Variants in PANK1 observed in about 807,000 individuals in gnomAD.
PANK1 encodes the protein pantothenic acid kinase 1.
A neutral mutation model predicts 40.1 loss-of-function variants in PANK1; 18 were observed. That is an observed-to-expected ratio of 0.45 (90% CI 0.31 to 0.67). The LOEUF (loss-of-function observed/expected upper bound fraction) is 0.67, where lower values mean the gene tolerates loss of function less well. PANK1 is among the 30% of genes least tolerant of loss of function. The pLI is 0.06. For synonymous variants in PANK1, 242 were observed against 237.7 expected, an observed-to-expected ratio of 1.02 and a Z score of -0.17; for missense variants, 457 against 599.6, an observed-to-expected ratio of 0.76 and a Z score of 2.48.
At chr10:89,622,811 TG>T (rs1845530711) in intron 1 of PANK1, among the ~76,000 whole-genome samples, 5 of 150,898 alleles carry the variant, frequency 3.3e-5, no homozygotes, top group Admixed American at 2.0e-4. Context: ...CAATCTAGCC[TG>T]GGTGACAGAG....
At chr10:89,589,327 T>C (rs966874410) in intron 5 of PANK1, among the ~76,000 whole-genome samples, 4 of 152,208 alleles carry the variant, frequency 2.6e-5, no homozygotes, top group South Asian at 2.1e-4. Flanking sequence ...AGTTAAAATA[T>C]GGTAACAAAA....
chr10:89,585,244 G>A (rs1291842538), intron 6 of PANK1, among the ~76,000 whole-genome samples: 1 of 152,092 alleles, frequency 6.6e-6, no homozygotes, highest in Non-Finnish European at 1.5e-5. Context: ...CTTTTTATAA[G>A]GATGCTAATC....
chr10:89,608,076 G>A (rs375826638), intron 2 of PANK1, among the ~76,000 whole-genome samples: 19 of 145,770 alleles, frequency 1.3e-4, no homozygotes, highest in African/African-American at 4.1e-4. Flanking sequence ...TCGTCGCCCC[G>A]GCTGGAGTGC....
Position 89,618,176 on chromosome 10 carries a change from G to A in PANK1, c.293-6128C>T, listed in dbSNP as rs1845378029. 2.6e-5 allele frequency among the ~76,000 whole-genome samples: 4 copies of A among 152,222 alleles called. No individual in the cohort carries two copies. The South Asian group carries it at 8.3e-4, about 32-fold the overall frequency. ...CTCCACCTACAAGGCAGGGGGCCCA[G>A]AGGGATTTCAGAATTGCTTCAGCAT... On this transcript the variant is annotated intron_variant, in intron 1 of 6. Transcript: ENST00000307534.
intron 1 of PANK1, among the ~76,000 whole-genome samples, chr10:89,625,149 C>T (rs1329072070): frequency 6.6e-6 from 1 of 152,216 alleles, no homozygotes; most frequent in Non-Finnish European, 1.5e-5. Context: ...AGATTCTCCT[C>T]CTCAGCCTCC....
chr10:89,618,288 T>G (rs1262921593), intron 1 of PANK1, among the ~76,000 whole-genome samples: 1 of 152,190 alleles, frequency 6.6e-6, no homozygotes, highest in Non-Finnish European at 1.5e-5. Flanking sequence ...TTTCCAATCT[T>G]TGTTTCACCA....
At chr10:89,588,619 A>G (rs1364911479) in intron 6 of PANK1, 33 bp downstream of exon 6, 1 of 1,546,016 alleles carries the variant, frequency 6.5e-7, no homozygotes, top group Admixed American at 2.1e-5. Context: ...TATACTCCAC[A>G]TATGACAGTA....
rs746302019 is a variant in PANK1, at chr10:89,588,741, T to C, written c.1237A>G (p.Arg413Gly). ...DRVVFVGNFL[R>G]INMVSMKLLA... The stretch of plus-strand genomic sequence containing the variant: ...AGCTTCATGGAGACCATATTGATTC[T>C]GAGAAAATTTCCAACAAACACAACT... Residue 413 changes from arginine to glycine, a missense_variant, in exon 6 of 7, where the codon AGA becomes GGA. Arg to Gly is a moderately radical substitution (Grantham distance 125, BLOSUM62 -2). Around this residue, in one of 4 missense-constraint regions of PANK1, gnomAD observed 286 missense variants for 415.8 expected, o/e 0.69. Transcript: ENST00000307534. The C allele has an allele frequency of 6.2e-7, 1 of 1,603,864 alleles. No individual in the cohort carries two copies. The highest frequency in any genetic ancestry group is 8.5e-7 in the Non-Finnish European group (1 of 1,175,132).
In PANK1 at chr10:89,588,727, G is replaced by A. The variant is rs923267382; in HGVS notation, c.1251C>T (p.Val417=). The A allele has an allele frequency of 6.2e-7, 1 of 1,603,990 alleles. No individual in the cohort carries two copies. The highest frequency in any genetic ancestry group is 8.5e-7 in the Non-Finnish European group (1 of 1,173,804). ...FVGNFLRINM[V]SMKLLAYAMD... is the part of the protein sequence containing the mutation. ...TGGCATATGCCAGCAGCTTCATGGA[G>A]ACCATATTGATTCTGAGAAAATTTC... The change falls in exon 6 of 7, where the codon GTC becomes GTT. Residue 417 remains valine (V), a synonymous_variant. Coordinates refer to ENST00000307534, the MANE Select transcript of PANK1 (RefSeq NM_148977.3).
At chr10:89,612,833 G>A (rs774441825) in intron 1 of PANK1, among the ~76,000 whole-genome samples, 1 of 152,018 alleles carries the variant, frequency 6.6e-6, no homozygotes, top group Non-Finnish European at 1.5e-5. Flanking sequence ...GCCTCCTCTC[G>A]CACATATTCT....
intron 2 of PANK1, among the ~76,000 whole-genome samples, chr10:89,605,987 A>T (rs541270481): frequency 3.9e-5 from 6 of 152,198 alleles, no homozygotes; most frequent in African/African-American, 1.4e-4. Flanking sequence ...TTGGGTGACT[A>T]GTTGTGTTGT....
rs972613998 is a variant in PANK1 at position 89,644,612 on chromosome 10, T to G, written c.280A>C (p.Lys94Gln). 6.3e-7 allele frequency: 1 copy of G among 1,589,394 alleles called. No homozygotes were observed. Among genetic ancestry groups the G allele is most frequent in the African/African-American group, 1.4e-5 (1 of 72,600 alleles). The change falls in exon 1 of 7, where the codon AAG becomes CAG. Residue 94 changes from lysine to glutamine, a missense_variant. Coordinates refer to ENST00000307534, the MANE Select transcript of PANK1 (RefSeq NM_148977.3). Reference protein sequence around the residue: ...RLRRRMDSGRKNRPPFPWFGM... With the variant: ...RLRRRMDSGRQNRPPFPWFGM... ...CAGCGGGACTTACGCGGCCTGTTCT[T>G]TCTCCCCGAGTCCATCCTCCTCCGC...
At chr10:89,618,310 T>C (rs144566921) in intron 1 of PANK1, among the ~76,000 whole-genome samples, 233 of 152,294 alleles carry the variant, frequency 1.5e-3, no homozygotes, top group Non-Finnish European at 2.7e-3. Context: ...TATATACTAA[T>C]ATACAATGTG....
intron 2 of PANK1, among the ~76,000 whole-genome samples, chr10:89,604,173 G>A: frequency 6.6e-6 from 1 of 152,104 alleles, no homozygotes; most frequent in South Asian, 2.1e-4. Context: ...TAAGACTGTT[G>A]TTATATCCTA....
At chr10:89,641,291 G>A (rs1024200502) in intron 1 of PANK1, among the ~76,000 whole-genome samples, 11 of 152,120 alleles carry the variant, frequency 7.2e-5, no homozygotes, top group Non-Finnish European at 2.9e-5. Context: ...CAAGGGTAAT[G>A]TAAAGTCCAA....
At chr10:89,637,396 A>G (rs1253270480) in intron 1 of PANK1, among the ~76,000 whole-genome samples, 1 of 152,198 alleles carries the variant, frequency 6.6e-6, no homozygotes, top group East Asian at 1.9e-4. Flanking sequence ...ACAACCCTAG[A>G]CGCTATAGCC....
intron 3 of PANK1, among the ~76,000 whole-genome samples, chr10:89,594,308 G>A (rs1442377867): frequency 6.6e-6 from 1 of 152,150 alleles, no homozygotes; most frequent in African/African-American, 2.4e-5. Flanking sequence ...CCTATGAAAT[G>A]GGGCCAAATC....
In PANK1 at chr10:89,599,352, G is replaced by A. The variant is rs1157245082; in HGVS notation, c.799C>T (p.Leu267Phe). The A allele has an allele frequency of 2.5e-6, 4 of 1,613,788 alleles. No homozygotes were observed. The highest frequency in any genetic ancestry group is 3.4e-6 in the Non-Finnish European group (4 of 1,179,718). Reference protein sequence around the residue: ...PELCQKKPYCLDNPYPMLLVN... With the variant: ...PELCQKKPYCFDNPYPMLLVN... ...AGCAACATAGGGTATGGGTTATCAA[G>A]GCAGTACGGCTTTTTTTGACACAAT... Residue 267 changes from leucine (L) to phenylalanine (F), a missense_variant, in exon 3 of 7, where the codon CTT (leucine) becomes TTT (phenylalanine). Leu to Phe is a conservative substitution (Grantham distance 22). Coordinates refer to ENST00000307534, the MANE Select transcript of PANK1 (RefSeq NM_148977.3).
chr10:89,645,061 TC>T lies in PANK1; in HGVS notation c.-171del. On this transcript the variant is annotated 5_prime_UTR_variant, in exon 1 of 7. Transcript: ENST00000307534. ...GCGCTCCTCCCCTCCTCCTGCCGAC[TC>T]CCCCACCTCCTCTGCGCCCTGCCCC... 6.4e-7 allele frequency: 1 copy of T among 1,556,656 alleles called. No individual in the cohort carries two copies. The highest frequency in any genetic ancestry group is 1.2e-5 in the South Asian group (1 of 85,532).
Sources: allele counts gnomAD v4.1 joint callset (sites outside exome capture counted in the v4.1 genomes callset), GRCh38; gene constraint gnomAD v4.1.1; regional missense constraint gnomAD v4.1.1; transcripts MANE v1.5; gene names NCBI Gene and HGNC (gene_info 2026-07-23, HGNC 2026-07-21).